The following CDH13 variants were observed in gnomAD, a reference collection of about 807,000 sequenced individuals.
CDH13 encodes the protein cadherin-13.
In CDH13, 24 loss-of-function variants were observed where a neutral mutation model predicts 63.8. The ratio of observed to expected loss-of-function variants is 0.38; its 90% CI spans 0.27 to 0.53. The LOEUF is 0.53. Among genes scored for constraint, CDH13 ranks in the 20% least tolerant of loss-of-function variants. The pLI, the probability that CDH13 is intolerant of heterozygous loss-of-function variation, is 0.85. For synonymous variants in CDH13, 503 were observed against 355.3 expected, an observed-to-expected ratio of 1.42 and a Z score of -4.67; for missense variants, 1,049 against 903.1, an observed-to-expected ratio of 1.16 and a Z score of -2.07.
rs139656955 is a variant in CDH13 at position 82,875,214 on chromosome 16, C to T, written c.157+16741C>T. On this transcript the variant is annotated intron_variant, in intron 2 of 13. Coordinates refer to ENST00000567109, the MANE Select transcript of CDH13 (RefSeq NM_001257.5). Reference sequence around the variant, plus strand: ...GCTTTTGGATGCTCAACTCAGACTTCTTGTTTTCATGATGTGCAGTTTTGA... The same window carrying T: ...GCTTTTGGATGCTCAACTCAGACTTTTTGTTTTCATGATGTGCAGTTTTGA... Among the ~76,000 whole-genome samples, 140 of 152,254 alleles carry T rather than the reference C, an allele frequency of 9.2e-4. 1 individual carries two copies. Among genetic ancestry groups the T allele is most frequent in the African/African-American group, 2.9e-3 (119 of 41,546 alleles).
chr16:82,807,857 G>T (rs560101984), intron 1 of CDH13, among the ~76,000 whole-genome samples: 1 of 152,114 alleles, frequency 6.6e-6, no homozygotes, highest in Non-Finnish European at 1.5e-5. Flanking sequence ...CTTTATTTAG[G>T]CTCTTCCATA....
At chr16:83,138,700 C>G (rs537408925) in intron 4 of CDH13, among the ~76,000 whole-genome samples, 2 of 152,160 alleles carry the variant, frequency 1.3e-5, no homozygotes, top group Non-Finnish European at 2.9e-5. Flanking sequence ...TGGGGAATCA[C>G]ACGATCAGAT....
At chr16:83,507,618 C>T (rs370761385) in intron 7 of CDH13, among the ~76,000 whole-genome samples, 2 of 152,344 alleles carry the variant, frequency 1.3e-5, no homozygotes, top group South Asian at 2.1e-4. Context: ...ATATCTAATG[C>T]TAGCCTTCCT....
At chr16:83,323,628 A>T (rs77449464) in intron 5 of CDH13, among the ~76,000 whole-genome samples, 13,592 of 152,182 alleles carry the variant, frequency 0.089, 712 homozygotes, top group Non-Finnish European at 0.12. Context: ...AAACAAAAAT[A>T]AACAAAAAAT....
At chr16:82,785,614 A>G (rs1156370496) in intron 1 of CDH13, among the ~76,000 whole-genome samples, 7 of 152,180 alleles carry the variant, frequency 4.6e-5, no homozygotes, top group African/African-American at 1.7e-4. Flanking sequence ...GTCTGTCTAC[A>G]ATCTTGTATT....
intron 5 of CDH13, among the ~76,000 whole-genome samples, chr16:83,240,003 A>C (rs1338816509): frequency 6.6e-6 from 1 of 152,164 alleles, no homozygotes; most frequent in Non-Finnish European, 1.5e-5. Flanking sequence ...ATCTGTAAAG[A>C]GAGAAAGCCC....
chr16:82,828,366 C>T (rs1311082912), intron 1 of CDH13, among the ~76,000 whole-genome samples: 1 of 152,110 alleles, frequency 6.6e-6, no homozygotes, highest in Non-Finnish European at 1.5e-5. Context: ...GCCTGTAATC[C>T]CAAGACTTTG....
intron 3 of CDH13, among the ~76,000 whole-genome samples, chr16:83,057,192 C>G (rs188105436): frequency 1.3e-5 from 2 of 152,264 alleles, no homozygotes; most frequent in Admixed American, 6.5e-5. Flanking sequence ...GTCTTGATCT[C>G]CTGACCTCGT....
chr16:83,600,392 A>T (rs936821046), intron 7 of CDH13, among the ~76,000 whole-genome samples: 7 of 152,134 alleles, frequency 4.6e-5, no homozygotes, highest in Non-Finnish European at 8.8e-5. Flanking sequence ...CAGAACCAGG[A>T]CTCCTTAAAA....
At chr16:83,683,625 G>GTTGACTA (rs1184824906) in intron 10 of CDH13, among the ~76,000 whole-genome samples, 2 of 152,094 alleles carry the variant, frequency 1.3e-5, no homozygotes, top group Admixed American at 6.5e-5. Context: ...TTCCCTTGTT[G>GTTGACTA]TTGACTATTT....
intron 7 of CDH13, among the ~76,000 whole-genome samples, chr16:83,570,946 C>CATAT (rs57586630): frequency 0.012 from 1,312 of 110,028 alleles, 30 homozygotes; most frequent in Admixed American, 0.03. Flanking sequence ...ATAACTCATC[C>CATAT]ATATATATAT....
At chr16:83,023,987 C>T (rs1413929995) in intron 2 of CDH13, among the ~76,000 whole-genome samples, 1 of 152,072 alleles carries the variant, frequency 6.6e-6, no homozygotes, top group Non-Finnish European at 1.5e-5. Context: ...TTAGATTTTG[C>T]CCTTTCTAGA....
intron 10 of CDH13, among the ~76,000 whole-genome samples, chr16:83,727,974 C>G (rs1458496096): frequency 6.6e-6 from 1 of 152,230 alleles, no homozygotes; most frequent in Admixed American, 6.5e-5. Context: ...GAATTGAAAA[C>G]TGCCTGAGGG....
At chr16:82,966,505 T>C (rs555369891) in intron 2 of CDH13, among the ~76,000 whole-genome samples, 78 of 152,372 alleles carry the variant, frequency 5.1e-4, no homozygotes, top group African/African-American at 1.8e-3. Context: ...ATAACATATC[T>C]GAGTTCATCA....
chr16:83,065,739 AAAAC>A (rs1010996213), intron 3 of CDH13, among the ~76,000 whole-genome samples: 2 of 151,964 alleles, frequency 1.3e-5, no homozygotes, highest in African/African-American at 4.8e-5. Flanking sequence ...CAAAAAAAAA[AAAAC>A]AAGACTACTT....
chr16:83,140,986 C>T (rs2036506653), intron 4 of CDH13, among the ~76,000 whole-genome samples: 1 of 152,216 alleles, frequency 6.6e-6, no homozygotes, highest in East Asian at 1.9e-4. Flanking sequence ...ACAATTTTCA[C>T]ATCCATTCTC....
intron 10 of CDH13, among the ~76,000 whole-genome samples, chr16:83,738,183 A>G (rs1435068184): frequency 1.3e-5 from 2 of 152,252 alleles, no homozygotes; most frequent in African/African-American, 4.8e-5. Context: ...TTACTAATTT[A>G]TATCCTGTCT....
At chr16:82,774,900 C>T (rs575731034) in intron 1 of CDH13, among the ~76,000 whole-genome samples, 10 of 152,322 alleles carry the variant, frequency 6.6e-5, no homozygotes, top group Non-Finnish European at 1.3e-4. Context: ...CCTATAGCTG[C>T]AGCTGAGGAA....
At chr16:83,476,212 A>G (rs1235039365) in intron 6 of CDH13, among the ~76,000 whole-genome samples, 2 of 152,256 alleles carry the variant, frequency 1.3e-5, no homozygotes, top group South Asian at 2.1e-4. Context: ...TGTCAGATAT[A>G]GAGCAGCATC....
Sources: gnomAD v4.1 joint callset for allele counts (sites outside exome capture counted in the v4.1 genomes callset) on GRCh38, gnomAD v4.1.1 for gene constraint, MANE v1.5 for transcripts, NCBI Gene and HGNC (gene_info 2026-07-23, HGNC 2026-07-21) for gene names.